Variants in NR2C2 observed in about 807,000 individuals in gnomAD.
NR2C2 encodes nuclear receptor subfamily 2 group C member 2.
In NR2C2, 6 loss-of-function variants were observed where a neutral mutation model predicts 62.9. The observed-to-expected ratio is 0.10, with a 90% CI of 0.05 to 0.19. The LOEUF (loss-of-function observed/expected upper bound fraction) is 0.19. NR2C2 is among the 10% of genes least tolerant of loss of function. NR2C2 has a pLI of 1.00. For synonymous variants in NR2C2, 272 were observed against 273.8 expected (o/e 0.99, Z 0.07); for missense variants, 479 against 762.7 (o/e 0.63, Z 4.38).
At chr3:14,949,735 G>C (rs1449463913) in intron 1 of NR2C2, among the ~76,000 whole-genome samples, 1 of 152,032 alleles carries the variant, frequency 6.6e-6, no homozygotes, top group Non-Finnish European at 1.5e-5. Context: ...GTAAGACACT[G>C]GTCCTCAAAC....
intron 1 of NR2C2, among the ~76,000 whole-genome samples, chr3:14,967,252 T>C (rs2039884566): frequency 6.6e-6 from 1 of 152,082 alleles, no homozygotes; most frequent in Non-Finnish European, 1.5e-5. Context: ...CCTCTTCTTC[T>C]TGGTCAATCT....
At chr3:14,983,462 T>TACACACACACACACAC (rs34788861) in intron 1 of NR2C2, among the ~76,000 whole-genome samples, 12 of 146,886 alleles carry the variant, frequency 8.2e-5, no homozygotes, top group South Asian at 6.6e-4. Context: ...ATACTCTTTA[T>TACACACACACACACAC]ACACACACAC....
At chr3:14,956,218 A>G (rs949134058) in intron 1 of NR2C2, among the ~76,000 whole-genome samples, 2 of 152,128 alleles carry the variant, frequency 1.3e-5, no homozygotes, top group Non-Finnish European at 2.9e-5. Context: ...TTCATTTTCT[A>G]CTTTCAAGTC....
chr3:14,987,446 A>C lies in NR2C2; in HGVS notation c.-39-16430A>C, dbSNP rs948104638. 3.9e-5 allele frequency among the ~76,000 whole-genome samples: 6 copies of C among 152,362 alleles called. 1 individual carries two copies. In the Middle Eastern group the frequency reaches 0.01, roughly 259 times the overall value. On this transcript the variant is annotated intron_variant, in intron 1 of 13. Transcript: ENST00000425241. Reference sequence around the variant, plus strand: ...ACCAGTAATTTCAGATGTGGGGTAGAAAATAAGATCATTCATACTGCTAAT... The same window carrying C: ...ACCAGTAATTTCAGATGTGGGGTAGCAAATAAGATCATTCATACTGCTAAT...
intron 2 of NR2C2, among the ~76,000 whole-genome samples, chr3:15,012,875 C>T (rs1012872820): frequency 1.3e-5 from 2 of 152,294 alleles, no homozygotes; most frequent in South Asian, 2.1e-4. Flanking sequence ...GTCTTGACAG[C>T]GAGACTCCTG....
chr3:15,022,783 T>G (rs577032734), intron 5 of NR2C2, among the ~76,000 whole-genome samples: 5 of 152,282 alleles, frequency 3.3e-5, no homozygotes, highest in Admixed American at 2.6e-4. Context: ...TCCAGCACTT[T>G]GGCAGGCTGG....
Position 14,951,213 on chromosome 3 carries a change from A to T in NR2C2, c.-40+3307A>T, listed in dbSNP as rs552726194. On this transcript the variant is annotated intron_variant, in intron 1 of 13. Transcript: ENST00000425241. ...GATTGGAGAGAAGGAACAAGCCTCC[A>T]GTGGGTTCACAGGGAATTGGGAGTT... Among the ~76,000 whole-genome samples the T allele has an allele frequency of 4.6e-5, 7 of 152,350 alleles. No individual in the cohort carries two copies. The South Asian group carries it at 1.5e-3, about 32-fold the overall frequency.
intron 1 of NR2C2, among the ~76,000 whole-genome samples, chr3:14,981,621 A>G (rs2040372001): frequency 6.6e-6 from 1 of 150,746 alleles, no homozygotes. Flanking sequence ...AAAAAAAAAA[A>G]AAGAGTATTG....
intron 13 of NR2C2, among the ~76,000 whole-genome samples, 180 bp downstream of exon 13, chr3:15,039,407 T>C (rs1186113214): frequency 2.0e-5 from 3 of 152,244 alleles, no homozygotes; most frequent in Non-Finnish European, 4.4e-5. Context: ...GAGCTAGAGA[T>C]AATTCTTGAA....
At chr3:14,949,657 TTCA>T (rs1454941919) in intron 1 of NR2C2, among the ~76,000 whole-genome samples, 2 of 152,228 alleles carry the variant, frequency 1.3e-5, no homozygotes, top group Non-Finnish European at 2.9e-5. Flanking sequence ...ACATTTTCAG[TTCA>T]TCAAGTATTT....
intron 1 of NR2C2, among the ~76,000 whole-genome samples, chr3:14,979,796 G>T (rs994111498): frequency 2.0e-5 from 3 of 152,102 alleles, no homozygotes; most frequent in Admixed American, 2.0e-4. Flanking sequence ...GGTGCGGCCA[G>T]ATCATTCTGG....
chr3:15,007,416 C>T (rs1255805610), intron 2 of NR2C2, among the ~76,000 whole-genome samples: 2 of 151,872 alleles, frequency 1.3e-5, no homozygotes, highest in South Asian at 2.1e-4. Context: ...CATGAGCCAC[C>T]GTGCCCAGCC....
chr3:15,009,684 C>T (rs2041295287), intron 2 of NR2C2, among the ~76,000 whole-genome samples: 1 of 152,132 alleles, frequency 6.6e-6, no homozygotes, highest in African/African-American at 2.4e-5. Context: ...ATAAAATTTG[C>T]CTCTTGTATT....
intron 1 of NR2C2, among the ~76,000 whole-genome samples, chr3:14,973,236 A>AT (rs200422142): frequency 2.0e-4 from 30 of 151,034 alleles, no homozygotes; most frequent in African/African-American, 5.6e-4. Context: ...TTCCTCTATG[A>AT]TTTTTTTTTG....
At chr3:15,016,382 C>T (rs2041512366) in intron 4 of NR2C2, 128 bp downstream of exon 4, 2 of 631,132 alleles carry the variant, frequency 3.2e-6, no homozygotes, top group African/African-American at 1.8e-5. Context: ...CATGTGAATT[C>T]TACTTTTCTT....
At chr3:14,990,024 G>C (rs896145151) in intron 1 of NR2C2, among the ~76,000 whole-genome samples, 3 of 151,540 alleles carry the variant, frequency 2.0e-5, no homozygotes, top group Non-Finnish European at 4.4e-5. Context: ...GATCACTTGA[G>C]CCCAGGAGGT....
intron 1 of NR2C2, among the ~76,000 whole-genome samples, chr3:14,985,819 G>A (rs1574963992): frequency 6.6e-6 from 1 of 152,298 alleles, no homozygotes; most frequent in South Asian, 2.1e-4. Context: ...AGCATAAATA[G>A]TACAGTGATG....
chr3:15,036,595 TC>T (rs2042109622), intron 11 of NR2C2, among the ~76,000 whole-genome samples: 1 of 152,166 alleles, frequency 6.6e-6, no homozygotes, highest in Admixed American at 6.5e-5. Context: ...GCTCAAGTGA[TC>T]CTCCTGCCTC....
At chr3:14,974,775 TG>T (rs1404173245) in intron 1 of NR2C2, among the ~76,000 whole-genome samples, 1 of 152,078 alleles carries the variant, frequency 6.6e-6, no homozygotes. Context: ...GGCTAATTTT[TG>T]TATTTTTACT....
Sources: allele counts gnomAD v4.1 joint callset (sites outside exome capture counted in the v4.1 genomes callset), GRCh38; gene constraint gnomAD v4.1.1; transcripts MANE v1.5; gene names NCBI Gene and HGNC (gene_info 2026-07-23, HGNC 2026-07-21).